SLC35F3: variants seen among roughly 807,000 people sequenced by gnomAD.
The protein encoded by SLC35F3 is putative thiamine transporter SLC35F3.
SLC35F3 carries 25 observed loss-of-function variants against 49.9 expected under a neutral mutation model. That is an observed-to-expected ratio of 0.50 (90% CI 0.37 to 0.70). The LOEUF (loss-of-function observed/expected upper bound fraction) is 0.70. Among genes scored for constraint, SLC35F3 ranks in the 30% least tolerant of loss-of-function variants. The probability of loss-of-function intolerance (pLI) is 0.00; values close to 1 mark genes in which losing one functional copy is unlikely to be tolerated. For missense variants in SLC35F3, 525 were observed against 639.8 expected (o/e 0.82, Z 1.94); for synonymous variants, 275 against 265.4 (o/e 1.04, Z -0.35).
chr1:233,950,859 C>G (rs768465068), intron 2 of SLC35F3, among the ~76,000 whole-genome samples: 3 of 151,802 alleles, frequency 2.0e-5, no homozygotes, highest in African/African-American at 7.3e-5. Flanking sequence ...TTTTTTTCCC[C>G]CTGCAATATC....
At chr1:234,277,170 A>G (rs546925746) in intron 3 of SLC35F3, among the ~76,000 whole-genome samples, 6 of 152,328 alleles carry the variant, frequency 3.9e-5, no homozygotes, top group Non-Finnish European at 8.8e-5. Context: ...GTCCAATGAG[A>G]GAAACTAAAT....
chr1:234,134,159 A>G (rs1217446302), intron 2 of SLC35F3, among the ~76,000 whole-genome samples: 1 of 152,038 alleles, frequency 6.6e-6, no homozygotes, highest in Admixed American at 6.6e-5. Flanking sequence ...ACCATCCATT[A>G]TATAGCGATT....
chr1:234,101,187 G>A (rs761939425), intron 2 of SLC35F3, among the ~76,000 whole-genome samples: 3 of 152,032 alleles, frequency 2.0e-5, no homozygotes, highest in Admixed American at 6.6e-5. Flanking sequence ...CTGCAGTATG[G>A]ACTCAGCACT....
intron 2 of SLC35F3, among the ~76,000 whole-genome samples, chr1:234,134,165 C>A (rs1572064229): frequency 6.6e-6 from 1 of 151,868 alleles, no homozygotes; most frequent in Middle Eastern, 3.4e-3. Context: ...CATTATATAG[C>A]GATTACTATT....
chr1:233,913,322 A>T (rs562790117), intron 2 of SLC35F3, among the ~76,000 whole-genome samples: 85 of 152,304 alleles, frequency 5.6e-4, no homozygotes, highest in African/African-American at 1.9e-3. Context: ...TTACAGTACC[A>T]GTCATCTGAT....
intron 2 of SLC35F3, among the ~76,000 whole-genome samples, chr1:233,929,768 A>G (rs1259341735): frequency 2.0e-5 from 3 of 152,162 alleles, no homozygotes; most frequent in Non-Finnish European, 4.4e-5. Context: ...AGCAGAGGAA[A>G]CAGAAGAGGC....
At chr1:233,945,006 A>C (rs921612265) in intron 2 of SLC35F3, among the ~76,000 whole-genome samples, 17 of 152,158 alleles carry the variant, frequency 1.1e-4, no homozygotes, top group Admixed American at 3.3e-4. Flanking sequence ...GGATGAAACC[A>C]CTGGTGTGCA....
intron 2 of SLC35F3, among the ~76,000 whole-genome samples, chr1:234,076,230 T>TTTTTTTTTTTTTTTTTTTTTTTTTTTGAG (rs1664789576): frequency 1.3e-5 from 2 of 152,076 alleles, no homozygotes; most frequent in South Asian, 4.2e-4. Flanking sequence ...CAATACATTT[T>TTTTTTTTTTTTTTTTTTTTTTTTTTTGAG]AAACGTATTA....
At chr1:234,039,208 A>G (rs6699217) in intron 2 of SLC35F3, among the ~76,000 whole-genome samples, 116,496 of 151,970 alleles carry the variant, frequency 0.77, 45,510 homozygotes, top group African/African-American at 0.92. Flanking sequence ...ATGAGCCCTG[A>G]TGCACAGCAA....
intron 2 of SLC35F3, among the ~76,000 whole-genome samples, chr1:233,993,993 TA>T (rs571526432): frequency 3.4e-4 from 52 of 152,168 alleles, no homozygotes; most frequent in Non-Finnish European, 6.6e-4. Flanking sequence ...GTGAAAAATA[TA>T]AAGTAATTGT....
intron 2 of SLC35F3, among the ~76,000 whole-genome samples, chr1:234,110,024 A>G (rs915931273): frequency 6.6e-6 from 1 of 152,116 alleles, no homozygotes; most frequent in African/African-American, 2.4e-5. Flanking sequence ...AGTGAAGGAT[A>G]GTATGACTAG....
intron 2 of SLC35F3, among the ~76,000 whole-genome samples, chr1:234,126,038 T>G (rs1665642767): frequency 6.6e-6 from 1 of 152,210 alleles, no homozygotes. Flanking sequence ...CCCTGGTGAA[T>G]GGGGATTTTA....
At chr1:234,028,119 G>T (rs1030916889) in intron 2 of SLC35F3, among the ~76,000 whole-genome samples, 1 of 152,178 alleles carries the variant, frequency 6.6e-6, no homozygotes, top group African/African-American at 2.4e-5. Flanking sequence ...TCTTCTGACT[G>T]CAAGTTAGTG....
intron 2 of SLC35F3, among the ~76,000 whole-genome samples, chr1:234,111,464 A>T (rs1665404533): frequency 6.6e-6 from 1 of 152,030 alleles, no homozygotes; most frequent in Admixed American, 6.5e-5. Context: ...GCTAATTTTC[A>T]TATTTTCAGT....
intron 4 of SLC35F3, among the ~76,000 whole-genome samples, chr1:234,313,175 C>T (rs115008451): frequency 2.0e-5 from 3 of 152,306 alleles, no homozygotes; most frequent in East Asian, 1.9e-4. Context: ...CCGCGCCAGG[C>T]CTTGCCACCT....
chr1:234,046,467 T>A lies in SLC35F3; in HGVS notation c.283+140709T>A, dbSNP rs12093603. Among the ~76,000 whole-genome samples the A allele has an allele frequency of 0.11, 16,062 of 152,176 alleles. 1,311 individuals carry two copies. The highest frequency in any genetic ancestry group is 0.25 in the East Asian group (1,302 of 5,178). On this transcript the variant is annotated intron_variant, in intron 2 of 7. Transcript: ENST00000366618. This position sits in a 1 kb window ranked among gnomAD's most constrained non-coding sequence, Gnocchi z 4.4. Reference sequence around the variant, plus strand: ...AACTTTTCAATTGAATTGTCTTTTCTGTATTGATTTGTAATTCTTTATATA... The same window carrying A: ...AACTTTTCAATTGAATTGTCTTTTCAGTATTGATTTGTAATTCTTTATATA...
At chr1:234,118,310 G>A (rs978554586) in intron 2 of SLC35F3, among the ~76,000 whole-genome samples, 1 of 152,100 alleles carries the variant, frequency 6.6e-6, no homozygotes, top group Non-Finnish European at 1.5e-5. Flanking sequence ...GGCAGGGACT[G>A]GAAACAAGCA....
chr1:234,187,413 C>T (rs1411691348), intron 2 of SLC35F3, among the ~76,000 whole-genome samples: 3 of 152,126 alleles, frequency 2.0e-5, no homozygotes, highest in Admixed American at 2.0e-4. Context: ...GGAGGCAGGA[C>T]TAAATTGCAG....
intron 2 of SLC35F3, among the ~76,000 whole-genome samples, chr1:234,217,922 G>T (rs1041989557): frequency 1.1e-4 from 17 of 152,222 alleles, no homozygotes; most frequent in African/African-American, 4.1e-4. Flanking sequence ...AGGCATCACA[G>T]CTGAGGCTGG....
Sources: gnomAD v4.1 joint callset for allele counts (sites outside exome capture counted in the v4.1 genomes callset) on GRCh38, gnomAD v4.1.1 for gene constraint, Gnocchi (gnomAD v3.1) non-coding constraint, MANE v1.5 for transcripts, NCBI Gene and HGNC (gene_info 2026-07-23, HGNC 2026-07-21) for gene names.